FAM135B: variants seen among roughly 807,000 people sequenced by gnomAD.
FAM135B encodes the protein family with sequence similarity 135 member B, also known as protein FAM135B.
Under a neutral mutation model 127.7 loss-of-function variants are expected in FAM135B, and 43 were observed. The ratio of observed to expected loss-of-function variants is 0.34; its 90% CI spans 0.26 to 0.43. FAM135B has a LOEUF of 0.43. FAM135B is among the 20% of genes least tolerant of loss of function. The probability of loss-of-function intolerance (pLI) is 1.00; values close to 1 mark genes in which losing one functional copy is unlikely to be tolerated. For missense variants in FAM135B, 1,558 were observed against 1,725.6 expected, an observed-to-expected ratio of 0.90 and a Z score of 1.72; for synonymous variants, 670 against 665.1, an observed-to-expected ratio of 1.01 and a Z score of -0.11.
At chr8:138,314,020 T>A (rs1380520906) in intron 2 of FAM135B, among the ~76,000 whole-genome samples, 1 of 152,128 alleles carries the variant, frequency 6.6e-6, no homozygotes, top group Non-Finnish European at 1.5e-5. Flanking sequence ...GGTGTTCCAC[T>A]GTTTGAGATG....
chr8:138,318,346 A>G (rs1241335709), intron 2 of FAM135B, among the ~76,000 whole-genome samples: 1 of 152,248 alleles, frequency 6.6e-6, no homozygotes, highest in African/African-American at 2.4e-5. Flanking sequence ...TGAACATATT[A>G]ATACAATGAG....
chr8:138,142,852 C>T (rs984814474), intron 16 of FAM135B, 160 bp downstream of exon 16: 1 of 569,780 alleles, frequency 1.8e-6, no homozygotes, highest in African/African-American at 1.9e-5. Flanking sequence ...GTACGCCAGA[C>T]CTGGTACTTA....
intron 1 of FAM135B, among the ~76,000 whole-genome samples, chr8:138,418,841 T>G (rs1834319134): frequency 7.2e-6 from 1 of 139,832 alleles, no homozygotes; most frequent in South Asian, 2.2e-4. Context: ...TAGAAGTCCT[T>G]AAGGGAGTGC....
rs1009521515 is a variant in FAM135B, at chr8:138,357,287, T to C, written c.77+10620A>G. ...AACTAAAACTATAAAACAAGTGAAATGTCCAAAAATACAGCATTGGTTAAA... is the reference window on the plus strand; with the variant it reads ...AACTAAAACTATAAAACAAGTGAAACGTCCAAAAATACAGCATTGGTTAAA... On this transcript the variant is annotated intron_variant, in intron 2 of 19. Coordinates refer to ENST00000395297, the MANE Select transcript of FAM135B (RefSeq NM_015912.4). Among the ~76,000 whole-genome samples, 34 of 152,088 alleles carry C rather than the reference T, an allele frequency of 2.2e-4. 4 individuals are homozygous for C. The highest frequency in any genetic ancestry group is 1.6e-3 in the Admixed American group (24 of 15,246).
intron 1 of FAM135B, among the ~76,000 whole-genome samples, chr8:138,409,504 G>A (rs1451654851): frequency 1.3e-5 from 2 of 152,020 alleles, no homozygotes; most frequent in Non-Finnish European, 2.9e-5. Context: ...AAAATAAAAG[G>A]TGCCAATAGA....
chr8:138,253,075 A>G (rs1821823076), intron 5 of FAM135B, among the ~76,000 whole-genome samples: 1 of 152,128 alleles, frequency 6.6e-6, no homozygotes, highest in African/African-American at 2.4e-5. Context: ...GGCTGGGATT[A>G]CAGGTGCGAG....
chr8:138,253,996 T>G (rs1232051055), intron 5 of FAM135B, among the ~76,000 whole-genome samples: 1 of 152,196 alleles, frequency 6.6e-6, no homozygotes, highest in Admixed American at 6.5e-5. Context: ...TTGCTCTGAT[T>G]ATTATTAAGT....
rs191118448 is a variant in FAM135B at position 138,209,954 on chromosome 8, A to T, written c.670-12285T>A. 1.6e-3 allele frequency among the ~76,000 whole-genome samples: 241 copies of T among 152,340 alleles called. 3 individuals carry two copies. The highest frequency in any genetic ancestry group is 6.6e-4 in the Non-Finnish European group (45 of 68,036). On this transcript the variant is annotated intron_variant, in intron 7 of 19. Transcript: ENST00000395297. ...CCCCAAATAGAAAGGTGGCTTCTCA[A>T]CTGAGGGCAAGACAATGAGAAAAGA...
At chr8:138,471,942 G>C (rs1837698810) in intron 1 of FAM135B, among the ~76,000 whole-genome samples, 1 of 152,134 alleles carries the variant, frequency 6.6e-6, no homozygotes, top group Admixed American at 6.6e-5. Flanking sequence ...AGGAAGACAT[G>C]GTCAACTTGG....
intron 1 of FAM135B, among the ~76,000 whole-genome samples, chr8:138,491,567 C>T (rs1023260622): frequency 6.6e-6 from 1 of 152,184 alleles, no homozygotes; most frequent in African/African-American, 2.4e-5. Context: ...ATGCTGGGAC[C>T]AGCATCTACT....
chr8:138,482,820 G>A (rs1814836749), intron 1 of FAM135B, among the ~76,000 whole-genome samples: 1 of 151,676 alleles, frequency 6.6e-6, no homozygotes, highest in Admixed American at 6.6e-5. Flanking sequence ...ACTCACATTG[G>A]GTCTCTTCAT....
At chr8:138,206,652 GAA>G (rs1817677722) in intron 7 of FAM135B, among the ~76,000 whole-genome samples, 1 of 39,518 alleles carries the variant, frequency 2.5e-5, no homozygotes, top group Non-Finnish European at 5.4e-5. Flanking sequence ...CACCTACACA[GAA>G]CTCCAGCATC....
intron 1 of FAM135B, among the ~76,000 whole-genome samples, chr8:138,469,916 T>A (rs1453329925): frequency 6.6e-6 from 1 of 152,248 alleles, no homozygotes; most frequent in Non-Finnish European, 1.5e-5. Flanking sequence ...GGCTGACATG[T>A]ATGCACTGAT....
chr8:138,446,678 G>A lies in FAM135B; in HGVS notation c.-20+49993C>T, dbSNP rs560583721. ...TTCAAGATGGATTAAAGACTTACAT[G>A]TTAGACCTAAAACCATAAAAACCCT... On this transcript the variant is annotated intron_variant, in intron 1 of 19. Transcript: ENST00000395297. Among the ~76,000 whole-genome samples the A allele has an allele frequency of 1.8e-3, 277 of 152,124 alleles. 1 individual carries two copies. Among genetic ancestry groups the A allele is most frequent in the African/African-American group, 6.2e-3 (258 of 41,496 alleles).
intron 7 of FAM135B, among the ~76,000 whole-genome samples, chr8:138,199,088 CCTTT>C (rs569549779): frequency 5.8e-4 from 89 of 152,168 alleles, no homozygotes; most frequent in Non-Finnish European, 1.0e-3. Flanking sequence ...TGCTTGGTCT[CCTTT>C]CTCCTAGCTG....
At chr8:138,225,376 G>T (rs1819333642) in intron 7 of FAM135B, among the ~76,000 whole-genome samples, 1 of 151,704 alleles carries the variant, frequency 6.6e-6, no homozygotes, top group South Asian at 2.1e-4. Flanking sequence ...CAGACACTGG[G>T]CTTGTAGGTG....
At chr8:138,436,361 A>G (rs1391737367) in intron 1 of FAM135B, among the ~76,000 whole-genome samples, 2 of 152,178 alleles carry the variant, frequency 1.3e-5, no homozygotes, top group Non-Finnish European at 2.9e-5. Context: ...TGCAATGCAT[A>G]GCGGCACTGT....
chr8:138,459,240 G>C (rs1836984259), intron 1 of FAM135B: 1 of 152,092 alleles, frequency 6.6e-6, no homozygotes, highest in Non-Finnish European at 1.5e-5. Context: ...TCAGTTCTCG[G>C]GCAGTAAGAG....
chr8:138,406,240 T>C (rs918901206), intron 1 of FAM135B, among the ~76,000 whole-genome samples: 1 of 152,032 alleles, frequency 6.6e-6, no homozygotes, highest in Non-Finnish European at 1.5e-5. Flanking sequence ...TTTGTCAATT[T>C]TGGATCTGAA....
Sources: gnomAD v4.1 joint callset for allele counts (sites outside exome capture counted in the v4.1 genomes callset) on GRCh38, gnomAD v4.1.1 for gene constraint, MANE v1.5 for transcripts, NCBI Gene and HGNC (gene_info 2026-07-23, HGNC 2026-07-21) for gene names.